DNAJC5G: variants seen among roughly 807,000 people sequenced by gnomAD.
The protein encoded by DNAJC5G is dnaJ homolog subfamily C member 5G.
In DNAJC5G, 13 loss-of-function variants were observed where a neutral mutation model predicts 19.1. The observed-to-expected ratio is 0.68, with a 90% CI of 0.44 to 1.08. DNAJC5G has a LOEUF of 1.08. Among genes scored for constraint, DNAJC5G ranks in the 50% least tolerant of loss-of-function variants. The pLI is 0.00. For missense variants in DNAJC5G, 245 were observed against 230.4 expected (o/e 1.06, Z -0.41); for synonymous variants, 81 against 84.4 (o/e 0.96, Z 0.22).
chr2:27,277,954 A>G lies in DNAJC5G; in HGVS notation c.314A>G (p.Tyr105Cys), dbSNP rs749481022. ...DQHGSLGIYL[Y>C]DHFGEEGVRY... The stretch of plus-strand genomic sequence containing the variant: ...CATGGCTCATTGGGAATATATCTGT[A>G]TGATCACTTTGGTGAAGAAGGCGTC... The change falls in exon 4 of 7, where the codon TAT becomes TGT. Residue 105 changes from tyrosine (Y) to cysteine (C), a missense_variant. By Grantham distance (194) the Tyr-to-Cys change is radical. Coordinates refer to ENST00000296097, the MANE Select transcript of DNAJC5G (RefSeq NM_173650.3). The G allele has an allele frequency of 2.5e-6, 4 of 1,614,128 alleles. No individual in the cohort carries two copies. Among genetic ancestry groups the G allele is most frequent in the African/African-American group, 2.7e-5 (2 of 74,938 alleles).
intron 5 of DNAJC5G, 34 bp from the exon 6 acceptor site, chr2:27,280,132 T>C (rs1205257414): frequency 6.2e-7 from 1 of 1,603,334 alleles, no homozygotes; most frequent in Non-Finnish European, 8.5e-7. Context: ...ACTAAACGTT[T>C]GTATATGTAA....
intron 2 of DNAJC5G, 88 bp from the exon 3 acceptor site, chr2:27,276,638 G>A (rs1678092860): frequency 8.9e-7 from 1 of 1,121,806 alleles, no homozygotes; most frequent in Non-Finnish European, 1.3e-6. Flanking sequence ...AATCCCTGAA[G>A]GTAGTGAGTT....
In DNAJC5G at chr2:27,276,752, A is replaced by T; in HGVS notation, c.24A>T (p.Ala8=). 1.9e-6 allele frequency: 3 copies of T among 1,614,090 alleles called. No individual in the cohort carries two copies. The highest frequency in any genetic ancestry group is 2.5e-6 in the Non-Finnish European group (3 of 1,180,018). ...TCATGTCTACTGTGAAGGAAGCAGC[A>T]CACCGGCTGTCCAAAAGTGAGATGA... The part of the protein sequence containing the change: MSTVKEA[A]HRLSKSEMSL... The change falls in exon 3 of 7, where the codon GCA becomes GCT. Residue 8 remains alanine (A), a synonymous_variant. Coordinates refer to ENST00000296097, the MANE Select transcript of DNAJC5G (RefSeq NM_173650.3).
At chr2:27,278,435 C>T in intron 5 of DNAJC5G, 103 bp downstream of exon 5, 1 of 1,500,534 alleles carries the variant, frequency 6.7e-7, no homozygotes, top group South Asian at 1.3e-5. Flanking sequence ...AATCCCAGCA[C>T]TTTGGGAGGG....
rs1678066586 is a variant in DNAJC5G, at chr2:27,276,273, A to AG, written c.-117dup. The AG allele has an allele frequency of 6.6e-6, 1 of 151,840 alleles. No homozygotes were observed. The highest frequency in any genetic ancestry group is 1.5e-5 in the Non-Finnish European group (1 of 68,410). 9.4% of individuals were successfully genotyped at this position (151,840 alleles called of 1,614,324 possible). On this transcript the variant is annotated 5_prime_UTR_variant, in exon 2 of 7. Coordinates refer to ENST00000296097, the MANE Select transcript of DNAJC5G (RefSeq NM_173650.3). ...AAAAACTCCGTCAAAAAAAAAAAAA[A>AG]GAAGAAGAAGTTGTGGAGCTGTCTG...
chr2:27,277,793 C>A lies in DNAJC5G; in HGVS notation c.153C>A (p.His51Gln), dbSNP rs1382371860. ...ALLPHPPFEY[H>Q]LGRKLALRYH... ...TTCCCCACCCTCCTTTTGAGTATCA[C>A]CTGGGTAGGAAACTGGCCTTGCGGT... is the stretch of plus-strand genomic sequence containing the variant. The change falls in exon 4 of 7, where the codon CAC becomes CAA. Residue 51 changes from histidine (H) to glutamine (Q), a missense_variant. Coordinates refer to ENST00000296097, the MANE Select transcript of DNAJC5G (RefSeq NM_173650.3). 6.2e-7 allele frequency: 1 copy of A among 1,614,094 alleles called. No individual in the cohort carries two copies. The highest frequency in any genetic ancestry group is 1.3e-5 in the African/African-American group (1 of 75,016).
At chr2:27,280,025 T>C in intron 5 of DNAJC5G, 141 bp from the exon 6 acceptor site, 1 of 713,430 alleles carries the variant, frequency 1.4e-6, no homozygotes, top group Non-Finnish European at 2.4e-6. Flanking sequence ...CCAAATGAAC[T>C]TTTATAAGCT....
Position 27,276,259 on chromosome 2 carries a change from C to CA in DNAJC5G, c.-118dup, listed in dbSNP as rs776887820. ...GGGCAACAAGAGCAAAAAACTCCGT[C>CA]AAAAAAAAAAAAAAGAAGAAGAAGT... On this transcript the variant is annotated 5_prime_UTR_variant, in exon 2 of 7. Coordinates refer to ENST00000296097, the MANE Select transcript of DNAJC5G (RefSeq NM_173650.3). 0.014 allele frequency: 1,898 copies of CA among 135,566 alleles called. 23 individuals are homozygous for CA. Among genetic ancestry groups the CA allele is most frequent in the African/African-American group, 0.04 (1,485 of 36,758 alleles). 8.4% of individuals were successfully genotyped at this position (135,566 alleles called of 1,614,324 possible).
intron 1 of DNAJC5G, chr2:27,275,891 C>CCCCCGCCCCCGCCCCCG (rs869053753): frequency 6.6e-6 from 1 of 150,664 alleles, no homozygotes; most frequent in Admixed American, 6.6e-5. Flanking sequence ...CCCGCCCCCG[C>CCCCCGCCCCCGCCCCCG]CCCCGCCAGG....
At chr2:27,279,816 G>T (rs1422647594) in intron 5 of DNAJC5G, among the ~76,000 whole-genome samples, 1 of 151,954 alleles carries the variant, frequency 6.6e-6, no homozygotes, top group East Asian at 1.9e-4. Flanking sequence ...TCAGCTACAG[G>T]GGAGGCTGAG....
chr2:27,275,458 C>A lies in DNAJC5G; in HGVS notation c.-381C>A. 1 of 346,164 alleles carries A rather than the reference C, an allele frequency of 2.9e-6. No homozygotes were observed. The highest frequency in any genetic ancestry group is 5.7e-6 in the Non-Finnish European group (1 of 174,750). 21.4% of individuals were successfully genotyped at this position (346,164 alleles called of 1,614,324 possible). On this transcript the variant is annotated 5_prime_UTR_variant, in exon 1 of 7. Coordinates refer to ENST00000296097, the MANE Select transcript of DNAJC5G (RefSeq NM_173650.3). ...GCCCAGACCCTCAGCGTCGACGCTG[C>A]GCACAAGCGCAGTCAACTGCTGGAC...
chr2:27,277,249 C>CGTTTGTTTGTTTGTTTGTTT (rs370986157), intron 3 of DNAJC5G, among the ~76,000 whole-genome samples: 2 of 147,862 alleles, frequency 1.4e-5, no homozygotes, highest in African/African-American at 5.2e-5. Context: ...GCCTACGACC[C>CGTTTGTTTGTTTGTTTGTTT]GTTTGTTTGT....
intron 2 of DNAJC5G, 130 bp downstream of exon 2, chr2:27,276,517 A>G: frequency 1.9e-6 from 1 of 521,934 alleles, no homozygotes; most frequent in Non-Finnish European, 3.4e-6. Context: ...TGAGGAGAAG[A>G]TGTTTCCTCC....
Position 27,276,958 on chromosome 2 carries a change from G to A in DNAJC5G, c.113+117G>A, listed in dbSNP as rs931809681. ...TTTTTTTTTTTTGAGAGGAAGTCTC[G>A]TCCTGTCACAGAGCAGAGACAGAGA... is the stretch of plus-strand genomic sequence containing the variant. On this transcript the variant is annotated intron_variant, in intron 3 of 6. Coordinates refer to ENST00000296097, the MANE Select transcript of DNAJC5G (RefSeq NM_173650.3). 217 of 827,424 alleles carry A rather than the reference G, an allele frequency of 2.6e-4. 1 individual carries two copies. Among genetic ancestry groups the A allele is most frequent in the Non-Finnish European group, 2.3e-4 (133 of 566,724 alleles). The allele number at this position is 827,424 out of a possible 1,614,324, so 51.3% of individuals were successfully genotyped here.
At position 27,280,139 on chromosome 2, in the gene DNAJC5G, G is replaced by A. The variant is rs756498910; in HGVS notation, c.521-27G>A. ...GAAAAGTTACTAAACGTTTGTATAT[G>A]TAAACATATATATAATTCCATCATA... On this transcript the variant is annotated intron_variant, in intron 5 of 6. Coordinates refer to ENST00000296097, the MANE Select transcript of DNAJC5G (RefSeq NM_173650.3). 3.7e-6 allele frequency: 6 copies of A among 1,609,122 alleles called. No homozygotes were observed. In the African/African-American group the frequency reaches 8.0e-5, roughly 22 times the overall value.
At chr2:27,275,867 C>G (rs1261571279) in intron 1 of DNAJC5G, 2 of 58,362 alleles carry the variant, frequency 3.4e-5, no homozygotes, top group Admixed American at 4.5e-4. Context: ...GCACTCCCCA[C>G]CCCCGCCCCC....
chr2:27,277,724 A>T (rs777414817), intron 3 of DNAJC5G, 30 bp from the exon 4 acceptor site: 3 of 1,612,900 alleles, frequency 1.9e-6, no homozygotes, highest in South Asian at 2.2e-5. Flanking sequence ...AGACTAATCC[A>T]TGTCATTCAT....
chr2:27,280,162 A>G lies in DNAJC5G; in HGVS notation c.521-4A>G, dbSNP rs1344558057. On this transcript the variant is annotated splice_region_variant and splice_polypyrimidine_tract_variant and intron_variant, in intron 5 of 6. Transcript: ENST00000296097. ...ATGTAAACATATATATAATTCCATC[A>G]TAGGAGCCAAATGTGATTTTAGAAG... is the stretch of plus-strand genomic sequence containing the variant. The G allele has an allele frequency of 6.2e-7, 1 of 1,613,726 alleles. No homozygotes were observed.
chr2:27,275,502 C>G lies in DNAJC5G; in HGVS notation c.-337C>G. Reference sequence around the variant, plus strand: ...GCTGGACCCGGCCGGTGTGAAGTTTCACACCCAAAAGGATGAAGGGCACCC... The same window carrying G: ...GCTGGACCCGGCCGGTGTGAAGTTTGACACCCAAAAGGATGAAGGGCACCC... On this transcript the variant is annotated 5_prime_UTR_variant, in exon 1 of 7. Coordinates refer to ENST00000296097, the MANE Select transcript of DNAJC5G (RefSeq NM_173650.3). 3.0e-6 allele frequency: 1 copy of G among 333,798 alleles called. No individual in the cohort carries two copies. Among genetic ancestry groups the G allele is most frequent in the South Asian group, 2.3e-5 (1 of 43,248 alleles). 20.7% of individuals were successfully genotyped at this position (333,798 alleles called of 1,614,324 possible). A position where few individuals can be genotyped will look rare whatever the true frequency, so the allele number is the denominator to read the frequency against.
Sources: gnomAD v4.1 joint callset for allele counts (sites outside exome capture counted in the v4.1 genomes callset) on GRCh38, gnomAD v4.1.1 for gene constraint, MANE v1.5 for transcripts, NCBI Gene and HGNC (gene_info 2026-07-23, HGNC 2026-07-21) for gene names.